RNF8: variants seen among roughly 807,000 people sequenced by gnomAD.
RNF8 encodes E3 ubiquitin-protein ligase RNF8.
RNF8 carries 8 observed loss-of-function variants against 59.3 expected under a neutral mutation model. The ratio of observed to expected loss-of-function variants is 0.13; its 90% confidence interval spans 0.08 to 0.24. The LOEUF is 0.24. Among genes scored for constraint, RNF8 ranks in the 10% least tolerant of loss-of-function variants. RNF8 has a pLI of 1.00. For missense variants in RNF8, 406 were observed against 572.6 expected (o/e 0.71, Z 2.97); for synonymous variants, 162 against 200.0 (o/e 0.81, Z 1.60).
Position 37,368,656 on chromosome 6 carries a change from C to G in RNF8, c.413C>G (p.Pro138Arg). The G allele has an allele frequency of 6.2e-7, 1 of 1,613,734 alleles. No individual in the cohort carries two copies. Among genetic ancestry groups the G allele is most frequent in the Non-Finnish European group, 8.5e-7 (1 of 1,179,942 alleles). Residue 138 changes from proline (P) to arginine (R), a missense_variant, in exon 3 of 8, where the codon CCA (proline) becomes CGA (arginine). Transcript: ENST00000373479. The part of the protein sequence containing the change: ...DWETIYPCLS[P>R]KNDQMIEKNK... ...GAGACAATATATCCTTGTCTTTCCC[C>G]AAAGAATGACCAAATGATAGAAAAA...
chr6:37,361,336 A>G (rs1359374664), intron 2 of RNF8: 1 of 455,602 alleles, frequency 2.2e-6, no homozygotes, highest in Non-Finnish European at 4.4e-6. Flanking sequence ...TCCTGGGAGC[A>G]GGGGACCACC....
At chr6:37,374,775 C>A in intron 5 of RNF8, 66 bp downstream of exon 5, 1 of 1,123,396 alleles carries the variant, frequency 8.9e-7, no homozygotes, top group Non-Finnish European at 1.3e-6. Context: ...TTCAACAGTG[C>A]AAGGGTTGCT....
chr6:37,379,869 G>A (rs917127457), intron 6 of RNF8, among the ~76,000 whole-genome samples: 13 of 152,126 alleles, frequency 8.5e-5, no homozygotes, highest in South Asian at 2.1e-4. Flanking sequence ...TTTTATAAAA[G>A]CATCAGATTG....
chr6:37,392,014 G>A lies in RNF8; in HGVS notation c.*1256G>A, dbSNP rs1770739915. The A allele has an allele frequency of 6.5e-6, 1 of 153,602 alleles. No homozygotes were observed. Among genetic ancestry groups the A allele is most frequent in the Non-Finnish European group, 1.4e-5 (1 of 69,070 alleles). The allele number at this position is 153,602 out of a possible 1,614,324, so 9.5% of individuals were successfully genotyped here. ...GATTGCCAACTTTTTAAGGATGGTA[G>A]GGATTTTTTCTTTGTTGAATATACT... On this transcript the variant is annotated 3_prime_UTR_variant, in exon 8 of 8. Coordinates refer to ENST00000373479, the MANE Select transcript of RNF8 (RefSeq NM_003958.4).
chr6:37,363,731 C>G lies in RNF8; in HGVS notation c.240+3157C>G, dbSNP rs75403726. Among the ~76,000 whole-genome samples the G allele has an allele frequency of 1.9e-3, 294 of 152,254 alleles. 2 individuals carry two copies. The highest frequency in any genetic ancestry group is 0.014 in the Middle Eastern group (4 of 294). On this transcript the variant is annotated intron_variant, in intron 2 of 7. Coordinates refer to ENST00000373479, the MANE Select transcript of RNF8 (RefSeq NM_003958.4). ...ATTAAAGTTGAACATACATATAGCT[C>G]TTGACACAGTATTTTCACTCCCCGG...
chr6:37,389,489 G>C (rs1198935806), intron 7 of RNF8, among the ~76,000 whole-genome samples: 1 of 151,918 alleles, frequency 6.6e-6, no homozygotes, highest in Non-Finnish European at 1.5e-5. Flanking sequence ...GGTGAAATGG[G>C]GTTTTTGTTG....
At chr6:37,390,606 G>A (rs1187819553) in intron 7 of RNF8, 136 bp from the exon 8 acceptor site, 1 of 639,024 alleles carries the variant, frequency 1.6e-6, no homozygotes, top group Middle Eastern at 2.8e-4. Context: ...AGAGTGACAT[G>A]ATCTGACTTC....
chr6:37,378,439 A>T (rs2113828829), intron 6 of RNF8, among the ~76,000 whole-genome samples: 1 of 152,084 alleles, frequency 6.6e-6, no homozygotes, highest in South Asian at 2.1e-4. Flanking sequence ...CATCTTTACT[A>T]AAAATACAAA....
At position 37,359,968 on chromosome 6, in the gene RNF8, C is replaced by T. The variant is rs185090924; in HGVS notation, c.112-478C>T. 2.6e-4 allele frequency among the ~76,000 whole-genome samples: 40 copies of T among 152,292 alleles called. No homozygotes were observed. In the South Asian group the frequency reaches 3.1e-3, roughly 12 times the overall value. ...AGGAAAAGAGAAAACTCAGTGTTCA[C>T]TTTATATCTGTGCCATTGAAAGGGG... is the stretch of plus-strand genomic sequence containing the variant. On this transcript the variant is annotated intron_variant, in intron 1 of 7. Transcript: ENST00000373479.
chr6:37,364,178 CAAAAAAAAA>C (rs35915593), intron 2 of RNF8, among the ~76,000 whole-genome samples: 4 of 82,320 alleles, frequency 4.9e-5, no homozygotes, highest in African/African-American at 2.0e-4. Context: ...GACTCTGTCT[CAAAAAAAAA>C]AAAAAAAAAA....
chr6:37,382,972 CA>C (rs1236176308), intron 7 of RNF8, among the ~76,000 whole-genome samples: 5,039 of 87,958 alleles, frequency 0.057, 90 homozygotes, highest in Non-Finnish European at 0.082. Flanking sequence ...GACTCTGTCT[CA>C]AAAAAAAAAA....
chr6:37,381,557 AGCAGCAGGG>A (rs1188640523), intron 7 of RNF8, among the ~76,000 whole-genome samples: 4 of 152,166 alleles, frequency 2.6e-5, no homozygotes, highest in Non-Finnish European at 5.9e-5. Flanking sequence ...CTGTTACTTG[AGCAGCAGGG>A]AAGTGGGAGG....
intron 3 of RNF8, chr6:37,369,972 A>G (rs1336916482): frequency 6.6e-6 from 1 of 152,222 alleles, no homozygotes; most frequent in African/African-American, 2.4e-5. Flanking sequence ...ACAAAGCTTT[A>G]GGCTAGAGCA....
intron 7 of RNF8, among the ~76,000 whole-genome samples, chr6:37,389,075 C>G (rs1038190385): frequency 5.3e-5 from 8 of 152,132 alleles, no homozygotes; most frequent in Non-Finnish European, 8.8e-5. Flanking sequence ...TTAGTGTACT[C>G]TTGCCTCTAG....
chr6:37,376,822 CTCAT>C lies in RNF8; in HGVS notation c.1129-102_1129-99del. The C allele has an allele frequency of 4.3e-6, 3 of 705,558 alleles. No homozygotes were observed. The Admixed American group carries it at 6.6e-5, about 15-fold the overall frequency. 43.7% of individuals were successfully genotyped at this position (705,558 alleles called of 1,614,324 possible). On this transcript the variant is annotated intron_variant, in intron 5 of 7. Coordinates refer to ENST00000373479, the MANE Select transcript of RNF8 (RefSeq NM_003958.4). The stretch of plus-strand genomic sequence containing the variant: ...AATGTTGCTGCACCAGAATGAATCA[CTCAT>C]TAAGACTGAATCCTCTTCTAAATAA...
At position 37,390,812 on chromosome 6, in the gene RNF8, G is replaced by A; in HGVS notation, c.*54G>A. ...CTGCCAGGTAGTGCGAGCCTGAGAT[G>A]GTCTGGAGGATTCTCTCTAGCCGTG... On this transcript the variant is annotated 3_prime_UTR_variant, in exon 8 of 8. Coordinates refer to ENST00000373479, the MANE Select transcript of RNF8 (RefSeq NM_003958.4). 1 of 1,614,084 alleles carries A rather than the reference G, an allele frequency of 6.2e-7. No homozygotes were observed. The highest frequency in any genetic ancestry group is 8.5e-7 in the Non-Finnish European group (1 of 1,179,952).
intron 6 of RNF8, among the ~76,000 whole-genome samples, chr6:37,380,252 G>T (rs917265398): frequency 5.3e-5 from 8 of 152,146 alleles, no homozygotes; most frequent in African/African-American, 1.4e-4. Flanking sequence ...TTGTTTGCAA[G>T]GTGGCCAGCC....
chr6:37,362,930 C>T (rs150686524), intron 2 of RNF8, among the ~76,000 whole-genome samples: 23 of 152,306 alleles, frequency 1.5e-4, no homozygotes, highest in Admixed American at 4.6e-4. Context: ...GAGGATGGTT[C>T]TAGTTGTGTA....
chr6:37,390,995 G>A lies in RNF8; in HGVS notation c.*237G>A, dbSNP rs1056363149. On this transcript the variant is annotated 3_prime_UTR_variant, in exon 8 of 8. Transcript: ENST00000373479. ...GCACCCAACTGCTTCAGGGTACTTC[G>A]TAGACTCTGCCTCACTACATGTCGA... The A allele has an allele frequency of 3.9e-5, 24 of 620,958 alleles. No individual in the cohort carries two copies. In the East Asian group the frequency reaches 6.1e-4, roughly 16 times the overall value. The allele number at this position is 620,958 out of a possible 1,614,324, so 38.5% of individuals were successfully genotyped here.
Sources: gnomAD v4.1 joint callset for allele counts (sites outside exome capture counted in the v4.1 genomes callset) on GRCh38, gnomAD v4.1.1 for gene constraint, MANE v1.5 for transcripts, NCBI Gene and HGNC (gene_info 2026-07-23, HGNC 2026-07-21) for gene names.